Variants in OSBPL5 observed in about 807,000 individuals in gnomAD.
OSBPL5 encodes the protein oxysterol binding protein like 5.
OSBPL5 carries 71 observed loss-of-function variants against 111.2 expected under a neutral mutation model. That is an observed-to-expected ratio of 0.64 (90% CI 0.53 to 0.78). The LOEUF is 0.78. Ranked by LOEUF, OSBPL5 falls within the 30% of genes least tolerant of loss-of-function variation. OSBPL5 has a pLI of 0.00. For missense variants in OSBPL5, 1,210 were observed against 1,189.3 expected, an observed-to-expected ratio of 1.02 and a Z score of -0.26; for synonymous variants, 549 against 513.9, an observed-to-expected ratio of 1.07 and a Z score of -0.93.
Position 3,094,589 on chromosome 11 carries a change from C to T in OSBPL5, c.1622-255G>A, listed in dbSNP as rs193103944. On this transcript the variant is annotated intron_variant, in intron 14 of 21. Transcript: ENST00000263650. ...GAGGCACGGAGCCTGGGAGGCACGC[C>T]TGGTCCCTCAGGGGCCGTCTCCCCC... is the stretch of plus-strand genomic sequence containing the variant. 13 of 485,734 alleles carry T rather than the reference C, an allele frequency of 2.7e-5. No individual in the cohort carries two copies. The Admixed American group carries it at 3.6e-4, about 13-fold the overall frequency. 30.1% of individuals were successfully genotyped at this position (485,734 alleles called of 1,614,324 possible). A position where few individuals can be genotyped will look rare whatever the true frequency, so the allele number is the denominator to read the frequency against.
intron 12 of OSBPL5, 32 bp downstream of exon 12, chr11:3,102,151 A>G (rs58467529): frequency 0.12 from 191,398 of 1,559,778 alleles, 13,404 homozygotes; most frequent in African/African-American, 0.29. Flanking sequence ...AGAGCCCAGC[A>G]CCCAGGCCGG....
chr11:3,140,632 T>C lies in OSBPL5; in HGVS notation c.-21-11463A>G, dbSNP rs1846079437. On this transcript the variant is annotated intron_variant, in intron 1 of 21. Coordinates refer to ENST00000263650, the MANE Select transcript of OSBPL5 (RefSeq NM_020896.4). The surrounding 1 kb of genome is among the most constrained non-coding windows in gnomAD (Gnocchi z 4.5). Reference sequence around the variant, plus strand: ...ATGCTGCCCCACCAGTGGACAGGCATCGTCGTCCCGGCTCCCCTCTGTCCC... The same window carrying C: ...ATGCTGCCCCACCAGTGGACAGGCACCGTCGTCCCGGCTCCCCTCTGTCCC... Among the ~76,000 whole-genome samples, 1 of 152,100 alleles carries C rather than the reference T, an allele frequency of 6.6e-6. No homozygotes were observed. Among genetic ancestry groups the C allele is most frequent in the South Asian group, 2.1e-4 (1 of 4,824 alleles).
In OSBPL5 at chr11:3,121,714, C is replaced by T. The variant is rs536246778; in HGVS notation, c.402+283G>A. 11 of 463,952 alleles carry T rather than the reference C, an allele frequency of 2.4e-5. No homozygotes were observed. In the South Asian group the frequency reaches 2.8e-4, roughly 12 times the overall value. The allele number at this position is 463,952 out of a possible 1,614,324, so 28.7% of individuals were successfully genotyped here. A position where few individuals can be genotyped will look rare whatever the true frequency, so the allele number is the denominator to read the frequency against. ...CGCCCTCCGCCCACTGGCCAGGCCC[C>T]ACCTTATTCGGAAATGGGGTCTTTG... On this transcript the variant is annotated intron_variant, in intron 5 of 21. Transcript: ENST00000263650. The surrounding 1 kb of genome is among the most constrained non-coding windows in gnomAD (Gnocchi z 4.3).
chr11:3,130,420 G>A lies in OSBPL5; in HGVS notation c.-21-1251C>T, dbSNP rs1226209531. Among the ~76,000 whole-genome samples the A allele has an allele frequency of 1.3e-5, 2 of 152,240 alleles. No homozygotes were observed. Among genetic ancestry groups the A allele is most frequent in the African/African-American group, 4.8e-5 (2 of 41,462 alleles). On this transcript the variant is annotated intron_variant, in intron 1 of 21. Transcript: ENST00000263650. This position sits in a 1 kb window ranked among gnomAD's most constrained non-coding sequence, Gnocchi z 4.5. ...CTGGGCTTTGCTGGGGGGGGCCTCA[G>A]ACACACAGAGACTTTCCTGCTGTGG... is the stretch of plus-strand genomic sequence containing the variant.
In OSBPL5 at chr11:3,120,427, G is replaced by A. The variant is rs1341815706; in HGVS notation, c.600C>T (p.Ala200=). The A allele has an allele frequency of 5.6e-6, 9 of 1,612,700 alleles. No homozygotes were observed. The highest frequency in any genetic ancestry group is 2.2e-5 in the East Asian group (1 of 44,870). ...LFHPLDQSVW[A]VKGPKGESVG... Reference sequence around the variant, plus strand: ...CCCCACCCCTCCGCAGCACCTTCACGGCCCAGACGGACTGATCCAGCGGGT... The same window carrying A: ...CCCCACCCCTCCGCAGCACCTTCACAGCCCAGACGGACTGATCCAGCGGGT... Residue 200 remains alanine, a synonymous_variant, in exon 6 of 22, where the codon GCC becomes GCT. Transcript: ENST00000263650.
chr11:3,112,065 G>GTGCGTGCGCA (rs1857995927), intron 7 of OSBPL5, among the ~76,000 whole-genome samples: 1 of 69,464 alleles, frequency 1.4e-5, no homozygotes, highest in African/African-American at 6.2e-5. Context: ...GCATGTGTAT[G>GTGCGTGCGCA]TGTGTGTGCA....
chr11:3,145,805 G>A (rs745940513), intron 1 of OSBPL5, among the ~76,000 whole-genome samples: 13 of 152,292 alleles, frequency 8.5e-5, no homozygotes, highest in East Asian at 5.8e-4. Context: ...CCGGCCTGTC[G>A]CCCTCAGTGG....
intron 20 of OSBPL5, 30 bp downstream of exon 20, chr11:3,090,527 AG>A: frequency 1.2e-6 from 2 of 1,602,690 alleles, no homozygotes; most frequent in East Asian, 2.2e-5. Flanking sequence ...CACCAGACAG[AG>A]GCCTTGGGGC....
chr11:3,135,471 TC>T (rs1405706109), intron 1 of OSBPL5, among the ~76,000 whole-genome samples: 2 of 151,174 alleles, frequency 1.3e-5, no homozygotes, highest in Non-Finnish European at 2.9e-5. Context: ...CCTGAGGCCC[TC>T]CTCTGGGCAA....
Position 3,093,006 on chromosome 11 carries a change from T to G in OSBPL5, c.1993A>C (p.Arg665=). 6.2e-7 allele frequency: 1 copy of G among 1,603,966 alleles called. No homozygotes were observed. Among genetic ancestry groups the G allele is most frequent in the Non-Finnish European group, 8.5e-7 (1 of 1,176,592 alleles). ...AGTGCAAACTTCTCCTGTGTGGCCCTGTGCTGGTCGCCCTTGCTGATGGCC... is the reference window on the plus strand; with the variant it reads ...AGTGCAAACTTCTCCTGTGTGGCCCGGTGCTGGTCGCCCTTGCTGATGGCC... ...TRAISKGDQH[R]ATQEKFALEE... The change falls in exon 18 of 22, where the codon AGG becomes CGG. Residue 665 remains arginine, a synonymous_variant. Coordinates refer to ENST00000263650, the MANE Select transcript of OSBPL5 (RefSeq NM_020896.4).
At position 3,107,042 on chromosome 11, in the gene OSBPL5, TGCCAGCCA is replaced by T. The variant is rs142736268; in HGVS notation, c.1059+213_1059+220del. On this transcript the variant is annotated intron_variant, in intron 9 of 21. Transcript: ENST00000263650. The surrounding 1 kb of genome is among the most constrained non-coding windows in gnomAD (Gnocchi z 6.1). ...CCCCTGCCCGATCCCCGCATCTGCATGCCAGCCAGCCAGCCAGCCAGCGGGGCAGCCTC... is the reference window on the plus strand; with the variant it reads ...CCCCTGCCCGATCCCCGCATCTGCATGCCAGCCAGCCAGCGGGGCAGCCTC... 6.6e-6 allele frequency among the ~76,000 whole-genome samples: 1 copy of T among 151,946 alleles called. No individual in the cohort carries two copies.
chr11:3,131,856 A>ACCATCCAT (rs200419244), intron 1 of OSBPL5, among the ~76,000 whole-genome samples: 1 of 41,774 alleles, frequency 2.4e-5, no homozygotes, highest in Non-Finnish European at 5.0e-5. Flanking sequence ...CACCCACCAA[A>ACCATCCAT]CCATCCATCC....
In OSBPL5 at chr11:3,087,623, G is replaced by C. The variant is rs1391529995; in HGVS notation, c.*582C>G. On this transcript the variant is annotated 3_prime_UTR_variant, in exon 22 of 22. Coordinates refer to ENST00000263650, the MANE Select transcript of OSBPL5 (RefSeq NM_020896.4). ...TGGTTCCAGGACCTGCCTCTGTGGG[G>C]CTCCCATCCAAACAGCACAGCGTGG... The C allele has an allele frequency of 6.5e-6, 1 of 153,086 alleles. No individual in the cohort carries two copies. Among genetic ancestry groups the C allele is most frequent in the Non-Finnish European group, 1.5e-5 (1 of 68,772 alleles). The allele number at this position is 153,086 out of a possible 1,614,324, so 9.5% of individuals were successfully genotyped here.
At position 3,151,527 on chromosome 11, in the gene OSBPL5, C is replaced by T. The variant is rs773157411; in HGVS notation, c.-22+13689G>A. 6.6e-5 allele frequency among the ~76,000 whole-genome samples: 10 copies of T among 152,358 alleles called. 1 individual carries two copies. The highest frequency in any genetic ancestry group is 4.6e-4 in the Admixed American group (7 of 15,308). On this transcript the variant is annotated intron_variant, in intron 1 of 21. Coordinates refer to ENST00000263650, the MANE Select transcript of OSBPL5 (RefSeq NM_020896.4). ...CCAGCACAGCTGTCTTCCCCACTCC[C>T]CATGTGCTGGGGGTGCATCCAAACC...
chr11:3,091,154 G>C (rs1857043002), intron 19 of OSBPL5, among the ~76,000 whole-genome samples: 1 of 152,252 alleles, frequency 6.6e-6, no homozygotes, highest in Non-Finnish European at 1.5e-5. Context: ...CTCCAGGGGG[G>C]AACCCCCACA....
At chr11:3,133,287 C>A (rs1231918492) in intron 1 of OSBPL5, among the ~76,000 whole-genome samples, 9 of 152,338 alleles carry the variant, frequency 5.9e-5, no homozygotes, top group Non-Finnish European at 1.0e-4. Context: ...CTGATGGGAA[C>A]CCCCCATGAG....
rs768142941 is a variant in OSBPL5, at chr11:3,107,731, C to G, written c.866+40G>C. 3 of 1,601,900 alleles carry G rather than the reference C, an allele frequency of 1.9e-6. No homozygotes were observed. The highest frequency in any genetic ancestry group is 2.5e-6 in the Non-Finnish European group (3 of 1,176,502). ...CTCTTCCTCGCCTACAAGGAGACCCCGTGAATCACCACCAGCCCCTGTGCC... is the reference window on the plus strand; with the variant it reads ...CTCTTCCTCGCCTACAAGGAGACCCGGTGAATCACCACCAGCCCCTGTGCC... On this transcript the variant is annotated intron_variant, in intron 8 of 21. Transcript: ENST00000263650. This position sits in a 1 kb window ranked among gnomAD's most constrained non-coding sequence, Gnocchi z 6.1.
At chr11:3,119,513 C>T (rs772074918) in intron 7 of OSBPL5, 34 bp downstream of exon 7, 3 of 1,553,746 alleles carry the variant, frequency 1.9e-6, no homozygotes, top group East Asian at 2.5e-5. Context: ...CAGGTGGGGG[C>T]ACTGGGGAGA....
At position 3,089,334 on chromosome 11, in the gene OSBPL5, C is replaced by T. The variant is rs544274175; in HGVS notation, c.2501+512G>A. Among the ~76,000 whole-genome samples the T allele has an allele frequency of 1.4e-4, 21 of 152,308 alleles. No individual in the cohort carries two copies. The South Asian group carries it at 3.1e-3, about 23-fold the overall frequency. On this transcript the variant is annotated intron_variant, in intron 21 of 21. Transcript: ENST00000263650. ...GGCTCAGAGTCAGGAGCTTTGGACC[C>T]GAGAGGGACCCTGTGCTCTGCTCCT...
Sources: allele counts gnomAD v4.1 joint callset (sites outside exome capture counted in the v4.1 genomes callset), GRCh38; gene constraint gnomAD v4.1.1; non-coding constraint Gnocchi (gnomAD v3.1); transcripts MANE v1.5; gene names NCBI Gene and HGNC (gene_info 2026-07-23, HGNC 2026-07-21).